PTPRM: variants seen among roughly 807,000 people sequenced by gnomAD.
PTPRM encodes the protein protein tyrosine phosphatase receptor type M.
A neutral mutation model predicts 186.7 loss-of-function variants in PTPRM; 47 were observed. The ratio of observed to expected loss-of-function variants is 0.25; its 90% CI spans 0.20 to 0.32. The LOEUF (loss-of-function observed/expected upper bound fraction) is 0.32. Ranked by LOEUF, PTPRM falls within the 10% of genes least tolerant of loss-of-function variation. The probability of loss-of-function intolerance (pLI) is 1.00; values close to 1 mark genes in which losing one functional copy is unlikely to be tolerated. For missense variants in PTPRM, 1,494 were observed against 1,865.0 expected (o/e 0.80, Z 3.66); for synonymous variants, 668 against 674.9 (o/e 0.99, Z 0.16).
Position 8,223,694 on chromosome 18 carries a change from G to A in PTPRM, c.2301-20364G>A, listed in dbSNP as rs942127865. Among the ~76,000 whole-genome samples, 5 of 152,172 alleles carry A rather than the reference G, an allele frequency of 3.3e-5. No individual in the cohort carries two copies. The East Asian group carries it at 9.6e-4, about 29-fold the overall frequency. ...GTTTTGCTGTCCTCTCCCCACAGAA[G>A]TCTAAGCTGTTCAGACTGCTCAAGA... On this transcript the variant is annotated intron_variant, in intron 14 of 32. Coordinates refer to ENST00000580170, the MANE Select transcript of PTPRM (RefSeq NM_001105244.2).
In PTPRM at chr18:7,712,753, C is replaced by T. The variant is rs115579976; in HGVS notation, c.74-61396C>T. On this transcript the variant is annotated intron_variant, in intron 1 of 32. Transcript: ENST00000580170. Reference sequence around the variant, plus strand: ...AGTATCAATAGCCAAATCAATCAAGCGGAAGAACGGGTATCAGAGATTGAA... The same window carrying T: ...AGTATCAATAGCCAAATCAATCAAGTGGAAGAACGGGTATCAGAGATTGAA... 5.6e-3 allele frequency among the ~76,000 whole-genome samples: 854 copies of T among 151,396 alleles called. 7 individuals carry two copies. The highest frequency in any genetic ancestry group is 0.019 in the African/African-American group (789 of 41,252).
chr18:7,965,697 A>C (rs2147230187), intron 7 of PTPRM, among the ~76,000 whole-genome samples: 1 of 152,288 alleles, frequency 6.6e-6, no homozygotes, highest in African/African-American at 2.4e-5. Context: ...CAGGTATGTT[A>C]TGTGTTATGT....
chr18:7,659,964 G>A (rs1309724339), intron 1 of PTPRM, among the ~76,000 whole-genome samples: 5 of 152,206 alleles, frequency 3.3e-5, no homozygotes, highest in African/African-American at 1.2e-4. Context: ...AGTTTGGCTT[G>A]AAGATTTCCT....
intron 2 of PTPRM, among the ~76,000 whole-genome samples, chr18:7,838,449 C>A (rs921483604): frequency 6.6e-6 from 1 of 152,208 alleles, no homozygotes. Flanking sequence ...TGGACAAGAT[C>A]TGGAAGAATT....
chr18:8,226,097 A>G (rs1004605408), intron 14 of PTPRM, among the ~76,000 whole-genome samples: 2 of 152,178 alleles, frequency 1.3e-5, no homozygotes, highest in Admixed American at 1.3e-4. Flanking sequence ...TTCACCCATC[A>G]GATTGAGGAA....
intron 13 of PTPRM, among the ~76,000 whole-genome samples, chr18:8,126,832 C>T (rs1035918646): frequency 2.0e-5 from 3 of 151,988 alleles, no homozygotes; most frequent in South Asian, 4.2e-4. Context: ...TACAAAGGTC[C>T]GGTGGTGTGA....
intron 14 of PTPRM, among the ~76,000 whole-genome samples, chr18:8,182,831 C>A (rs771755837): frequency 2.6e-5 from 4 of 152,188 alleles, no homozygotes; most frequent in Non-Finnish European, 2.9e-5. Context: ...ATCATCTTTC[C>A]CTGCCCCCAA....
At chr18:8,214,408 T>A (rs969063350) in intron 14 of PTPRM, among the ~76,000 whole-genome samples, 3 of 152,226 alleles carry the variant, frequency 2.0e-5, no homozygotes, top group Admixed American at 6.5e-5. Flanking sequence ...GCTTTGAAAA[T>A]TTGAGCAATG....
At chr18:7,770,970 C>CTG (rs1598612787) in intron 1 of PTPRM, among the ~76,000 whole-genome samples, 2 of 151,668 alleles carry the variant, frequency 1.3e-5, no homozygotes, top group East Asian at 1.9e-4. Flanking sequence ...TCATAAGTCC[C>CTG]GAAAGAACCA....
intron 22 of PTPRM, 148 bp from the exon 23 acceptor site, chr18:8,343,275 C>T: frequency 5.7e-6 from 3 of 525,584 alleles, no homozygotes; most frequent in Non-Finnish European, 9.8e-6. Flanking sequence ...GAAAGAGTAT[C>T]TTTTTGCATT....
At chr18:7,689,473 C>T (rs781389546) in intron 1 of PTPRM, among the ~76,000 whole-genome samples, 5 of 152,196 alleles carry the variant, frequency 3.3e-5, no homozygotes, top group Non-Finnish European at 7.3e-5. Flanking sequence ...TTGATCTCCT[C>T]ATACTTAGGA....
chr18:8,347,697 A>G (rs2095512698), intron 23 of PTPRM, among the ~76,000 whole-genome samples: 1 of 152,190 alleles, frequency 6.6e-6, no homozygotes, highest in Non-Finnish European at 1.5e-5. Flanking sequence ...TTTGTTTCCA[A>G]TAAGGTGTGG....
chr18:7,883,823 G>C (rs911110078), intron 2 of PTPRM, among the ~76,000 whole-genome samples: 2 of 152,160 alleles, frequency 1.3e-5, no homozygotes, highest in African/African-American at 4.8e-5. Flanking sequence ...GTTGTGAGGT[G>C]AACAGGGGGA....
intron 18 of PTPRM, 76 bp downstream of exon 18, chr18:8,252,575 A>G (rs1233363849): frequency 4.3e-6 from 6 of 1,398,562 alleles, no homozygotes; most frequent in African/African-American, 2.8e-5. Flanking sequence ...GATTCTGACA[A>G]AGCCAGCTGG....
At chr18:8,003,178 A>G (rs901838245) in intron 7 of PTPRM, among the ~76,000 whole-genome samples, 2 of 152,114 alleles carry the variant, frequency 1.3e-5, no homozygotes, top group Non-Finnish European at 2.9e-5. Flanking sequence ...AGATAATTGA[A>G]TCGTGGTGGT....
At chr18:8,182,510 G>A (rs776163715) in intron 14 of PTPRM, among the ~76,000 whole-genome samples, 1 of 152,148 alleles carries the variant, frequency 6.6e-6, no homozygotes, top group East Asian at 1.9e-4. Flanking sequence ...CTTTTCTCTT[G>A]CACTTATTTG....
intron 1 of PTPRM, among the ~76,000 whole-genome samples, chr18:7,745,778 T>G (rs964480873): frequency 5.3e-5 from 8 of 152,316 alleles, no homozygotes; most frequent in Non-Finnish European, 1.0e-4. Flanking sequence ...ACATTTGCTT[T>G]AAAGTAACCA....
Position 8,040,425 on chromosome 18 carries a change from G to T in PTPRM, c.1133-29261G>T, listed in dbSNP as rs1257212703. Among the ~76,000 whole-genome samples, 7 of 152,260 alleles carry T rather than the reference G, an allele frequency of 4.6e-5. No individual in the cohort carries two copies. The East Asian group carries it at 1.4e-3, about 29-fold the overall frequency. The stretch of plus-strand genomic sequence containing the variant: ...ATGGGTGCAATTATTAAAGTTATGT[G>T]TCAAATCGAAGCTGATTTGAAGTTA... On this transcript the variant is annotated intron_variant, in intron 7 of 32. Coordinates refer to ENST00000580170, the MANE Select transcript of PTPRM (RefSeq NM_001105244.2).
chr18:8,162,072 G>A (rs2093240371), intron 14 of PTPRM, among the ~76,000 whole-genome samples: 1 of 151,732 alleles, frequency 6.6e-6, no homozygotes, highest in African/African-American at 2.4e-5. Flanking sequence ...TTTCTCATAA[G>A]ACTACAGTTA....
Sources: gnomAD v4.1 joint callset for allele counts (sites outside exome capture counted in the v4.1 genomes callset) on GRCh38, gnomAD v4.1.1 for gene constraint, MANE v1.5 for transcripts, NCBI Gene and HGNC (gene_info 2026-07-23, HGNC 2026-07-21) for gene names.